The following PLEKHA6 variants were observed in gnomAD, a reference collection of about 807,000 sequenced individuals.
PLEKHA6 encodes the protein pleckstrin homology domain containing A6, also known as pleckstrin homology domain-containing family A member 6.
Under a neutral mutation model 116.7 loss-of-function variants are expected in PLEKHA6, and 60 were observed. The observed-to-expected ratio is 0.51, with a 90% confidence interval of 0.42 to 0.64. PLEKHA6 has a LOEUF of 0.64. Ranked by LOEUF, PLEKHA6 falls within the 30% of genes least tolerant of loss-of-function variation. The probability of loss-of-function intolerance (pLI) is 0.00; values close to 1 mark genes in which losing one functional copy is unlikely to be tolerated. For missense variants in PLEKHA6, 1,338 were observed against 1,422.7 expected, an observed-to-expected ratio of 0.94 and a Z score of 0.96; for synonymous variants, 489 against 556.1, an observed-to-expected ratio of 0.88 and a Z score of 1.70.
At chr1:204,269,981 C>T (rs1277037121) in intron 3 of PLEKHA6, among the ~76,000 whole-genome samples, 1 of 152,200 alleles carries the variant, frequency 6.6e-6, no homozygotes, top group Non-Finnish European at 1.5e-5. Flanking sequence ...CTTACTTACT[C>T]TTCAGTCCTA....
chr1:204,336,565 T>C (rs1035290748), intron 1 of PLEKHA6, among the ~76,000 whole-genome samples: 1 of 116,952 alleles, frequency 8.6e-6, no homozygotes. Context: ...TGTGTGAGCG[T>C]GTGTGTGTGT....
In PLEKHA6 at chr1:204,245,722, T is replaced by A; in HGVS notation, c.1925A>T (p.Glu642Val). Residue 642 changes from glutamate (E) to valine (V), a missense_variant, in exon 14 of 23, where the codon GAG (glutamate) becomes GTG (valine). Around this residue, in one of 3 missense-constraint regions of PLEKHA6, gnomAD observed 1,136 missense variants for 1,163.6 expected, o/e 0.98. Transcript: ENST00000272203. ...WEQLNLDTQN[E>V]VLNRQIQKEI... Reference sequence around the variant, plus strand: ...CTTTTGGATTTGCCGGTTCAGCACCTCATTCTGAAGCAGCCACACAGTGAG... The same window carrying A: ...CTTTTGGATTTGCCGGTTCAGCACCACATTCTGAAGCAGCCACACAGTGAG... The A allele has an allele frequency of 6.2e-7, 1 of 1,607,486 alleles. No individual in the cohort carries two copies. Among genetic ancestry groups the A allele is most frequent in the Middle Eastern group, 1.7e-4 (1 of 6,050 alleles).
chr1:204,336,062 C>T (rs1044633182), intron 1 of PLEKHA6, among the ~76,000 whole-genome samples: 1 of 152,164 alleles, frequency 6.6e-6, no homozygotes, highest in Admixed American at 6.5e-5. Flanking sequence ...TCTTCTGTCT[C>T]CAGTCACCAA....
intron 1 of PLEKHA6, among the ~76,000 whole-genome samples, chr1:204,322,529 G>C (rs971066162): frequency 3.9e-5 from 6 of 152,218 alleles, no homozygotes; most frequent in Non-Finnish European, 7.3e-5. Context: ...CACCTTCAAA[G>C]TGCCATTAGT....
At chr1:204,365,444 G>T (rs112949840) in intron 3 of PLEKHA6, among the ~76,000 whole-genome samples, 4,334 of 152,268 alleles carry the variant, frequency 0.028, 80 homozygotes, top group South Asian at 0.043. Flanking sequence ...GAGATATTTG[G>T]GAGGAGAATT....
chr1:204,323,336 C>A (rs1672132050), intron 1 of PLEKHA6, among the ~76,000 whole-genome samples: 1 of 152,238 alleles, frequency 6.6e-6, no homozygotes, highest in Admixed American at 6.5e-5. Context: ...CTCCGCAGCA[C>A]CCCTCAAGGT....
At position 204,221,050 on chromosome 1, in the gene PLEKHA6, T is replaced by TG. The variant is rs1460899878; in HGVS notation, c.*1737dup. On this transcript the variant is annotated 3_prime_UTR_variant, in exon 23 of 23. Coordinates refer to ENST00000272203, the MANE Select transcript of PLEKHA6 (RefSeq NM_014935.5). ...GTCTGCAGGGGAGAAAGGGCAGGTTTGGGGTGCTTGAACTGTGAAGATGGG... is the reference window on the plus strand; with the variant it reads ...GTCTGCAGGGGAGAAAGGGCAGGTTTGGGGGTGCTTGAACTGTGAAGATGGG... The TG allele has an allele frequency of 3.9e-5, 6 of 152,222 alleles. No individual in the cohort carries two copies. The highest frequency in any genetic ancestry group is 1.4e-4 in the African/African-American group (6 of 41,400). 9.4% of individuals were successfully genotyped at this position (152,222 alleles called of 1,614,324 possible).
intron 9 of PLEKHA6, chr1:204,251,432 G>A: frequency 1.6e-6 from 1 of 639,674 alleles, no homozygotes; most frequent in Non-Finnish European, 2.8e-6. Flanking sequence ...AGATGAGCGG[G>A]TTGGGTGGCG....
At position 204,228,139 on chromosome 1, in the gene PLEKHA6, A is replaced by G; in HGVS notation, c.2975T>C (p.Ile992Thr). The G allele has an allele frequency of 1.9e-6, 3 of 1,613,316 alleles. No homozygotes were observed. The highest frequency in any genetic ancestry group is 2.5e-6 in the Non-Finnish European group (3 of 1,179,540). Residue 992 changes from isoleucine (I) to threonine (T), a missense_variant, in exon 21 of 23, where the codon ATT becomes ACT. Around this residue, in one of 3 missense-constraint regions of PLEKHA6, gnomAD observed 1,136 missense variants for 1,163.6 expected, o/e 0.98. Transcript: ENST00000272203. This position sits in a 1 kb window ranked among gnomAD's most constrained non-coding sequence, Gnocchi z 4.0. ...ESQLQEQEKRIEISCALATEA... is the reference protein window; with the variant it reads ...ESQLQEQEKRTEISCALATEA... ...GGTCGCCAGGGCGCAGGAGATTTCA[A>G]TCCGCTTCTCCTGCTCCTGCAGCTG...
chr1:204,338,395 C>T (rs185151473), intron 1 of PLEKHA6, among the ~76,000 whole-genome samples: 239 of 152,288 alleles, frequency 1.6e-3, no homozygotes, highest in Middle Eastern at 6.8e-3. Flanking sequence ...TTGTTCTCTT[C>T]CCACCATCCC....
intron 2 of PLEKHA6, 163 bp downstream of exon 2, chr1:204,274,566 G>A (rs759465612): frequency 2.2e-5 from 22 of 982,506 alleles, no homozygotes; most frequent in Non-Finnish European, 2.5e-5. Context: ...AAGCCAGATG[G>A]GTCTCAGATG....
intron 1 of PLEKHA6, among the ~76,000 whole-genome samples, chr1:204,300,285 C>A (rs555916102): frequency 1.4e-4 from 22 of 152,254 alleles, no homozygotes; most frequent in African/African-American, 5.3e-4. Context: ...GAGGACAATC[C>A]TTCTCTCAAG....
intron 1 of PLEKHA6, among the ~76,000 whole-genome samples, chr1:204,330,178 G>T (rs1179487330): frequency 6.6e-6 from 1 of 152,094 alleles, no homozygotes; most frequent in East Asian, 1.9e-4. Flanking sequence ...TAGCCAAAAA[G>T]CTGCAAGGTG....
intron 1 of PLEKHA6, among the ~76,000 whole-genome samples, chr1:204,310,320 A>G (rs1671611777): frequency 6.6e-6 from 1 of 152,232 alleles, no homozygotes; most frequent in African/African-American, 2.4e-5. Context: ...CTCCCCATCT[A>G]AGTTCACCCT....
chr1:204,371,929 C>T (rs904274419), intron 1 of PLEKHA6, among the ~76,000 whole-genome samples: 1 of 152,090 alleles, frequency 6.6e-6, no homozygotes. Flanking sequence ...GTGATACCAT[C>T]GCAAAGAAAC....
At chr1:204,350,345 A>T (rs538588581) in intron 1 of PLEKHA6, among the ~76,000 whole-genome samples, 2 of 152,128 alleles carry the variant, frequency 1.3e-5, no homozygotes, top group Admixed American at 6.5e-5. Context: ...AAATAAAAAA[A>T]CCTTTCTTGC....
At chr1:204,360,179 C>T (rs972224031), upstream of PLEKHA6, among the ~76,000 whole-genome samples, 10 of 152,190 alleles carry the variant, frequency 6.6e-5, no homozygotes, top group Admixed American at 2.0e-4. Flanking sequence ...GCAGGGCCAC[C>T]GTCTGGGTAA....
chr1:204,371,702 C>A (rs576433153), intron 1 of PLEKHA6: 27 of 152,354 alleles, frequency 1.8e-4, no homozygotes, highest in African/African-American at 6.5e-4. Flanking sequence ...ACTATTCAAT[C>A]CCAGACACAT....
intron 1 of PLEKHA6, chr1:204,280,268 A>T (rs1413094546): frequency 5.1e-6 from 5 of 978,380 alleles, no homozygotes; most frequent in Non-Finnish European, 6.1e-6. Context: ...GTCAGCCTCC[A>T]CGTGCAGTAT....
Sources: gnomAD v4.1 joint callset for allele counts (sites outside exome capture counted in the v4.1 genomes callset) on GRCh38, gnomAD v4.1.1 for gene constraint, gnomAD v4.1.1 regional missense constraint, Gnocchi (gnomAD v3.1) non-coding constraint, MANE v1.5 for transcripts, NCBI Gene and HGNC (gene_info 2026-07-23, HGNC 2026-07-21) for gene names.